Variants in CHST8 observed in about 807,000 individuals in gnomAD.
The protein encoded by CHST8 is GALNAC-4-ST1.
In CHST8, 10 loss-of-function variants were observed where a neutral mutation model predicts 15.0. That is an observed-to-expected ratio of 0.67 (90% CI 0.41 to 1.13). The LOEUF is 1.13. CHST8 is among the 50% of genes most tolerant of loss of function. The pLI is 0.00. For synonymous variants in CHST8, 259 were observed against 256.6 expected (o/e 1.01, Z -0.09); for missense variants, 634 against 608.2 (o/e 1.04, Z -0.45).
intron 3 of CHST8, among the ~76,000 whole-genome samples, chr19:33,752,104 G>A (rs1033676176): frequency 2.6e-5 from 4 of 152,086 alleles, no homozygotes; most frequent in East Asian, 1.9e-4. Flanking sequence ...GCCCCAGGAC[G>A]AAGGGGAGGC....
chr19:33,739,581 G>A (rs115309723), intron 3 of CHST8, among the ~76,000 whole-genome samples: 2,469 of 152,256 alleles, frequency 0.016, 59 homozygotes, highest in African/African-American at 0.056. Context: ...TGTGCGACTC[G>A]AGTGGTTGAT....
At chr19:33,635,904 T>G (rs1156385632) in intron 1 of CHST8, among the ~76,000 whole-genome samples, 1 of 152,152 alleles carries the variant, frequency 6.6e-6, no homozygotes, top group African/African-American at 2.4e-5. Context: ...AACTACCGTT[T>G]GCTTTAAAAT....
In CHST8 at chr19:33,645,311, G is replaced by A. The variant is rs8111606; in HGVS notation, c.-163-22456G>A. Among the ~76,000 whole-genome samples the A allele has an allele frequency of 2.5e-3, 381 of 152,318 alleles. 4 individuals are homozygous for A. The highest frequency in any genetic ancestry group is 8.7e-3 in the African/African-American group (361 of 41,562). On this transcript the variant is annotated intron_variant, in intron 1 of 4. Transcript: ENST00000650847. ...GGAAATTCGACTTTACTCTGTGTGC[G>A]TGGGGAGCAATGGCAGGGTTTTGAA...
chr19:33,770,907 G>C (rs563843925), intron 3 of CHST8, among the ~76,000 whole-genome samples: 2 of 148,710 alleles, frequency 1.3e-5, no homozygotes, highest in East Asian at 1.9e-4. Context: ...CCATTCCTAG[G>C]CCTGGTGTGT....
At chr19:33,640,150 C>G (rs963179978) in intron 1 of CHST8, among the ~76,000 whole-genome samples, 2 of 152,160 alleles carry the variant, frequency 1.3e-5, no homozygotes, top group Non-Finnish European at 2.9e-5. Context: ...CAAAGCAAAT[C>G]AATTCTTACA....
At chr19:33,745,180 G>A (rs1974289346) in intron 3 of CHST8, among the ~76,000 whole-genome samples, 1 of 152,218 alleles carries the variant, frequency 6.6e-6, no homozygotes, top group African/African-American at 2.4e-5. Context: ...ACAGTGCCTG[G>A]CCTCTGCTAC....
chr19:33,773,097 C>T lies in CHST8; in HGVS notation c.*34C>T, dbSNP rs1363035311. 1.9e-6 allele frequency: 3 copies of T among 1,550,352 alleles called. No individual in the cohort carries two copies. The highest frequency in any genetic ancestry group is 2.4e-5 in the South Asian group (2 of 83,232). On this transcript the variant is annotated 3_prime_UTR_variant, in exon 5 of 5. Transcript: ENST00000650847. Reference sequence around the variant, plus strand: ...GCAGCTGGCCGGGGCCGCCCTGCCCCGGTCACTCACCTGTGCTCCCGGGCA... The same window carrying T: ...GCAGCTGGCCGGGGCCGCCCTGCCCTGGTCACTCACCTGTGCTCCCGGGCA...
At chr19:33,737,143 A>G (rs1424403934) in intron 3 of CHST8, among the ~76,000 whole-genome samples, 1 of 152,218 alleles carries the variant, frequency 6.6e-6, no homozygotes, top group Non-Finnish European at 1.5e-5. Flanking sequence ...CTCATTAATA[A>G]TCTACCCGTT....
chr19:33,698,697 G>A (rs551869651), intron 3 of CHST8, among the ~76,000 whole-genome samples: 1 of 152,208 alleles, frequency 6.6e-6, no homozygotes, highest in Non-Finnish European at 1.5e-5. Flanking sequence ...TGGGGCAAGA[G>A]ATCACAGGTT....
At chr19:33,666,072 AG>A (rs1416486331) in intron 1 of CHST8, among the ~76,000 whole-genome samples, 1 of 152,206 alleles carries the variant, frequency 6.6e-6, no homozygotes, top group Non-Finnish European at 1.5e-5. Context: ...TTGGGGCCTG[AG>A]AAAGAAGCAA....
intron 3 of CHST8, among the ~76,000 whole-genome samples, chr19:33,714,620 A>G (rs2145299474): frequency 1.3e-5 from 2 of 152,334 alleles, no homozygotes; most frequent in South Asian, 4.1e-4. Context: ...TCCCCATCCA[A>G]ATCTCATCTT....
intron 3 of CHST8, among the ~76,000 whole-genome samples, chr19:33,736,964 C>T (rs1449396720): frequency 2.0e-5 from 3 of 152,118 alleles, no homozygotes; most frequent in African/African-American, 7.2e-5. Context: ...TCCGGTTACC[C>T]TTACTGCTCC....
intron 2 of CHST8, among the ~76,000 whole-genome samples, chr19:33,676,186 A>G (rs1972807393): frequency 1.3e-5 from 2 of 152,230 alleles, no homozygotes; most frequent in Admixed American, 1.3e-4. Context: ...CAATTTCAGA[A>G]TCAGGAAATT....
intron 1 of CHST8, among the ~76,000 whole-genome samples, chr19:33,643,945 T>A (rs1220097690): frequency 2.0e-5 from 3 of 152,172 alleles, no homozygotes; most frequent in Non-Finnish European, 2.9e-5. Flanking sequence ...TAATTTTTTA[T>A]TTTTTGAAAC....
At chr19:33,769,058 G>C (rs553659143) in intron 3 of CHST8, among the ~76,000 whole-genome samples, 80 of 152,336 alleles carry the variant, frequency 5.3e-4, no homozygotes, top group African/African-American at 9.6e-4. Context: ...ATTAGAGTGG[G>C]ACAGCCCCAG....
chr19:33,693,092 C>T (rs560658236), intron 3 of CHST8, among the ~76,000 whole-genome samples: 1 of 151,890 alleles, frequency 6.6e-6, no homozygotes, highest in African/African-American at 2.4e-5. Context: ...CCGCAAACTC[C>T]ACCTCCTGAG....
chr19:33,638,654 T>C (rs1254075225), intron 1 of CHST8, among the ~76,000 whole-genome samples: 1 of 152,164 alleles, frequency 6.6e-6, no homozygotes, highest in Non-Finnish European at 1.5e-5. Context: ...ACCAATTCCA[T>C]TCAAATTCTG....
At chr19:33,660,075 G>C (rs1263250886) in intron 1 of CHST8, among the ~76,000 whole-genome samples, 1 of 152,192 alleles carries the variant, frequency 6.6e-6, no homozygotes, top group East Asian at 1.9e-4. Flanking sequence ...GTCTGTGGTG[G>C]CCTGCAGGGC....
At chr19:33,721,720 G>A (rs1488701150) in intron 3 of CHST8, among the ~76,000 whole-genome samples, 3 of 151,954 alleles carry the variant, frequency 2.0e-5, no homozygotes, top group African/African-American at 7.3e-5. Flanking sequence ...AGGGAAGGGT[G>A]GATGGATAGA....
Sources: gnomAD v4.1 joint callset for allele counts (sites outside exome capture counted in the v4.1 genomes callset) on GRCh38, gnomAD v4.1.1 for gene constraint, MANE v1.5 for transcripts, NCBI Gene and HGNC (gene_info 2026-07-23, HGNC 2026-07-21) for gene names.